ABCA4: variants seen among roughly 807,000 people sequenced by gnomAD.
ABCA4 encodes the protein retinal-specific phospholipid-transporting ATPase ABCA4.
A neutral mutation model predicts 263.7 loss-of-function variants in ABCA4; 196 were observed. The observed-to-expected ratio is 0.74, with a 90% CI of 0.66 to 0.84. ABCA4 has a LOEUF of 0.84. Ranked by LOEUF, ABCA4 falls within the 40% of genes least tolerant of loss-of-function variation. The probability of loss-of-function intolerance (pLI) is 0.00; values close to 1 mark genes in which losing one functional copy is unlikely to be tolerated. For missense variants in ABCA4, 2,792 were observed against 2,855.1 expected (o/e 0.98, Z 0.50); for synonymous variants, 1,133 against 1,094.2 (o/e 1.04, Z -0.70).
In ABCA4 at chr1:94,055,134, C is replaced by T. The variant is rs61752406; in HGVS notation, c.2564G>A (p.Trp855Ter). 20 of 1,613,922 alleles carry T rather than the reference C, an allele frequency of 1.2e-5. No homozygotes were observed. Among genetic ancestry groups the T allele is most frequent in the Non-Finnish European group, 1.4e-5 (16 of 1,180,016 alleles). The change falls in exon 16 of 50, where the codon TGG (tryptophan) becomes TAG (stop). Residue 855 changes from tryptophan to a stop codon, truncating the protein, a stop_gained. Coordinates refer to ENST00000370225, the MANE Select transcript of ABCA4 (RefSeq NM_000350.3). LOFTEE classifies it high-confidence loss of function. ...ACCTGGAAACACCTGATCAAGGTAC[C>T]AAGCGAGTAAGCCATAGACAGCAGC... The part of the protein sequence containing the change: ...LDAAVYGLLA[W>*]YLDQVFPGDY...
intron 30 of ABCA4, among the ~76,000 whole-genome samples, chr1:94,027,963 G>C (rs1660085812): frequency 6.6e-6 from 1 of 152,218 alleles, no homozygotes; most frequent in Non-Finnish European, 1.5e-5. Flanking sequence ...TTTTAGATGA[G>C]TGAGAAACAA....
chr1:94,023,397 G>T lies in ABCA4; in HGVS notation c.4656C>A (p.Val1552=). The change falls in exon 32 of 50, where the codon GTC becomes GTA. Residue 1552 remains valine (V), a synonymous_variant. Transcript: ENST00000370225. ...AAATAGTTTCTTACCTCTGTTCATT[G>T]ACCCAGAATTTGCTCTTTAAGCTGA... is the stretch of plus-strand genomic sequence containing the variant. ...IRSSLKSKFW[V]NEQRYGGISI... is the part of the protein sequence containing the mutation. The T allele has an allele frequency of 6.2e-7, 1 of 1,608,914 alleles. No individual in the cohort carries two copies. The highest frequency in any genetic ancestry group is 1.1e-5 in the South Asian group (1 of 90,804).
intron 27 of ABCA4, 33 bp downstream of exon 27, chr1:94,031,745 T>C: frequency 6.2e-7 from 1 of 1,612,484 alleles, no homozygotes; most frequent in South Asian, 1.1e-5. Context: ...GAGGAGCCAC[T>C]GAGCTCAGCT....
intron 49 of ABCA4, among the ~76,000 whole-genome samples, chr1:93,994,754 C>T (rs550957756): frequency 2.2e-4 from 34 of 152,154 alleles, no homozygotes; most frequent in South Asian, 6.2e-4. Flanking sequence ...ATGTAAAAAA[C>T]ACAATAGAAA....
intron 11 of ABCA4, among the ~76,000 whole-genome samples, chr1:94,068,057 C>A (rs2101086241): frequency 6.6e-6 from 1 of 152,270 alleles, no homozygotes; most frequent in East Asian, 1.9e-4. Flanking sequence ...AGGAAGGGAG[C>A]TATTTTCTTT....
At chr1:94,117,775 T>C (rs1662831529) in intron 1 of ABCA4, among the ~76,000 whole-genome samples, 1 of 152,194 alleles carries the variant, frequency 6.6e-6, no homozygotes, top group Non-Finnish European at 1.5e-5. Flanking sequence ...CTCCACGTTG[T>C]GCTGCACAGT....
In ABCA4 at chr1:94,085,418, G is replaced by A. The variant is rs1036934014; in HGVS notation, c.769-1977C>T. ...AGTGTATATGCAAAAATAAATTGTC[G>A]AATGAGCAAATACTAAGGAAGTATC... On this transcript the variant is annotated intron_variant, in intron 6 of 49. Coordinates refer to ENST00000370225, the MANE Select transcript of ABCA4 (RefSeq NM_000350.3). Among the ~76,000 whole-genome samples the A allele has an allele frequency of 3.3e-5, 5 of 152,230 alleles. No individual in the cohort carries two copies. In the East Asian group the frequency reaches 7.7e-4, roughly 24 times the overall value.
chr1:94,005,388 A>T, intron 44 of ABCA4, 53 bp downstream of exon 44: 1 of 1,611,314 alleles, frequency 6.2e-7, no homozygotes. Context: ...CTCTCATGAA[A>T]CAGGCTTGTA....
rs746039623 is a variant in ABCA4, at chr1:94,098,967, C to T, written c.595G>A (p.Ala199Thr). The T allele has an allele frequency of 1.1e-5, 18 of 1,610,426 alleles. No homozygotes were observed. The highest frequency in any genetic ancestry group is 1.5e-5 in the Non-Finnish European group (18 of 1,179,960). ...TCGCTGCAGGCGATGTCCTTCAGCG[C>T]CAGGTCCGGGACTCCATGAGCGAAC... ...EQFAHGVPDL[A>T]LKDIACSEAL... The change falls in exon 6 of 50, where the codon GCG becomes ACG. Residue 199 changes from alanine (A) to threonine (T), a missense_variant. Ala to Thr is a moderately conservative substitution (Grantham distance 58). Coordinates refer to ENST00000370225, the MANE Select transcript of ABCA4 (RefSeq NM_000350.3).
Position 94,063,251 on chromosome 1 carries a change from G to C in ABCA4, c.1621C>G (p.Leu541Val). ...ETQLTQRALS[L>V]LEENMFWAGV... The stretch of plus-strand genomic sequence containing the variant: ...GCCCAGAACATGTTTTCCTCCAGTA[G>C]AGAGAGGGCACGTTGGGTGAGCTGA... The change falls in exon 12 of 50, where the codon CTA becomes GTA. Residue 541 changes from leucine (L) to valine (V), a missense_variant. Physicochemically the swap from Leu to Val is conservative, Grantham distance 32. Transcript: ENST00000370225. 2 of 1,614,182 alleles carry C rather than the reference G, an allele frequency of 1.2e-6. No homozygotes were observed. The highest frequency in any genetic ancestry group is 1.7e-6 in the Non-Finnish European group (2 of 1,180,034).
In ABCA4 at chr1:94,043,331, A is replaced by G; in HGVS notation, c.3190+5T>C. ...GTGGCCCTGTCTCCATCCAGCTCTG[A>G]GCACCTGATAGGTCCTGAGCCTCTT... On this transcript the variant is annotated splice_donor_5th_base_variant and intron_variant, in intron 21 of 49. Transcript: ENST00000370225. 1 of 1,614,026 alleles carries G rather than the reference A, an allele frequency of 6.2e-7. No individual in the cohort carries two copies. The highest frequency in any genetic ancestry group is 1.7e-4 in the Middle Eastern group (1 of 6,056).
At chr1:94,087,285 G>T (rs553307810) in intron 6 of ABCA4, among the ~76,000 whole-genome samples, 1 of 152,182 alleles carries the variant, frequency 6.6e-6, no homozygotes, top group African/African-American at 2.4e-5. Flanking sequence ...GCATAAGAAA[G>T]ACCTCAAGAA....
intron 7 of ABCA4, 78 bp downstream of exon 7, chr1:94,083,274 A>T: frequency 7.9e-7 from 1 of 1,260,154 alleles, no homozygotes. Flanking sequence ...TTGAAATACA[A>T]TTAAATTATT....
At chr1:94,000,445 A>G (rs938142451) in intron 47 of ABCA4, among the ~76,000 whole-genome samples, 1 of 152,184 alleles carries the variant, frequency 6.6e-6, no homozygotes, top group Non-Finnish European at 1.5e-5. Context: ...TGGGTCCTCA[A>G]GTCAGTTGGT....
At chr1:94,091,627 A>ACACAC in intron 6 of ABCA4, among the ~76,000 whole-genome samples, 1 of 133,828 alleles carries the variant, frequency 7.5e-6, no homozygotes, top group African/African-American at 2.8e-5. Context: ...ACACACACAC[A>ACACAC]ATTTCCTATG....
At position 94,103,215 on chromosome 1, in the gene ABCA4, G is replaced by C. The variant is rs937093702; in HGVS notation, c.443-73C>G. On this transcript the variant is annotated intron_variant, in intron 4 of 49. Transcript: ENST00000370225. The stretch of plus-strand genomic sequence containing the variant: ...CAAAAAAAGGAAAACAGCCAGAGTC[G>C]ATTGGAAACACTTGTAACTCAACTC... 7.0e-6 allele frequency: 11 copies of C among 1,560,918 alleles called. No individual in the cohort carries two copies. The African/African-American group carries it at 9.5e-5, about 13-fold the overall frequency.
At chr1:94,047,231 C>T (rs1038478914) in intron 18 of ABCA4, 138 bp from the exon 19 acceptor site, 4 of 903,644 alleles carry the variant, frequency 4.4e-6, no homozygotes, top group South Asian at 1.4e-5. Context: ...GCAAGGAAGA[C>T]TCCAGAATAA....
chr1:94,082,437 A>G (rs551753536), intron 7 of ABCA4, among the ~76,000 whole-genome samples: 24 of 152,308 alleles, frequency 1.6e-4, no homozygotes, highest in African/African-American at 5.5e-4. Context: ...ACCTTATTGT[A>G]GTGATATAAA....
intron 1 of ABCA4, among the ~76,000 whole-genome samples, chr1:94,120,617 G>C (rs1451814997): frequency 3.3e-5 from 5 of 151,610 alleles, no homozygotes; most frequent in Admixed American, 3.3e-4. Flanking sequence ...CTGCTCTTCA[G>C]GGCTTAAAGT....
Sources: gnomAD v4.1 joint callset for allele counts (sites outside exome capture counted in the v4.1 genomes callset) on GRCh38, gnomAD v4.1.1 for gene constraint, MANE v1.5 for transcripts, NCBI Gene and HGNC (gene_info 2026-07-23, HGNC 2026-07-21) for gene names.